DPYSL3: variants seen among roughly 807,000 people sequenced by gnomAD.
The protein encoded by DPYSL3 is dihydropyrimidinase-related protein 3.
DPYSL3 carries 16 observed loss-of-function variants against 66.1 expected under a neutral mutation model. That is an observed-to-expected ratio of 0.24 (90% CI 0.16 to 0.37). DPYSL3 has a LOEUF of 0.37. Among genes scored for constraint, DPYSL3 ranks in the 10% least tolerant of loss-of-function variants. DPYSL3 has a pLI of 1.00. For synonymous variants in DPYSL3, 338 were observed against 345.1 expected (o/e 0.98, Z 0.23); for missense variants, 738 against 916.2 (o/e 0.81, Z 2.51).
chr5:147,402,328 G>A (rs184320009), intron 8 of DPYSL3, among the ~76,000 whole-genome samples: 1 of 148,558 alleles, frequency 6.7e-6, no homozygotes, highest in East Asian at 2.0e-4. Flanking sequence ...CTGTGGATTA[G>A]AGACTCTCAT....
At chr5:147,488,730 A>G (rs1753372377) in intron 1 of DPYSL3, among the ~76,000 whole-genome samples, 1 of 151,958 alleles carries the variant, frequency 6.6e-6, no homozygotes, top group Admixed American at 6.5e-5. Context: ...AAAAAAATAT[A>G]TTGGCCAGGA....
chr5:147,483,617 C>G (rs1319644956), intron 1 of DPYSL3, among the ~76,000 whole-genome samples: 2 of 152,034 alleles, frequency 1.3e-5, no homozygotes, highest in South Asian at 2.1e-4. Flanking sequence ...ATGAGTCAAC[C>G]CTGTGGCAGT....
intron 2 of DPYSL3, among the ~76,000 whole-genome samples, chr5:147,420,040 C>T (rs1752048429): frequency 6.6e-6 from 1 of 152,166 alleles, no homozygotes; most frequent in African/African-American, 2.4e-5. Context: ...TTCGTCACTG[C>T]TCCACCAACG....
chr5:147,405,891 C>T (rs1758315000), intron 7 of DPYSL3, 161 bp from the exon 8 acceptor site: 2 of 844,014 alleles, frequency 2.4e-6, no homozygotes, highest in Non-Finnish European at 3.5e-6. Context: ...AGATCTACCA[C>T]TTCCTAACTG....
intron 1 of DPYSL3, among the ~76,000 whole-genome samples, chr5:147,435,499 G>C (rs1438784951): frequency 6.6e-6 from 1 of 152,170 alleles, no homozygotes; most frequent in Non-Finnish European, 1.5e-5. Flanking sequence ...CTCTATAAGA[G>C]ATTGTGGAGT....
In DPYSL3 at chr5:147,393,219, C is replaced by T. The variant is rs1411293422; in HGVS notation, c.*816G>A. ...GTTCTCAGCTGCTGGCTTTTAAGAGCACCAAAGAGGCAGGGAGGGCAAGAG... is the reference window on the plus strand; with the variant it reads ...GTTCTCAGCTGCTGGCTTTTAAGAGTACCAAAGAGGCAGGGAGGGCAAGAG... On this transcript the variant is annotated 3_prime_UTR_variant, in exon 14 of 14. Coordinates refer to ENST00000343218, the MANE Select transcript of DPYSL3 (RefSeq NM_001197294.2). The T allele has an allele frequency of 6.6e-6, 1 of 152,272 alleles. No homozygotes were observed. The highest frequency in any genetic ancestry group is 1.9e-4 in the East Asian group (1 of 5,174). 9.4% of individuals were successfully genotyped at this position (152,272 alleles called of 1,614,324 possible).
Position 147,510,048 on chromosome 5 carries a change from C to T in DPYSL3, c.-190G>A. On this transcript the variant is annotated 5_prime_UTR_variant, in exon 1 of 14. Coordinates refer to ENST00000343218, the MANE Select transcript of DPYSL3 (RefSeq NM_001197294.2). ...CAGCGAGCCACACAGCCAGCTAGCG[C>T]GCGGAGCAGGGGCCCAGAGTAGCGC... is the stretch of plus-strand genomic sequence containing the variant. 9.9e-7 allele frequency: 1 copy of T among 1,006,096 alleles called. No homozygotes were observed. Among genetic ancestry groups the T allele is most frequent in the Non-Finnish European group, 1.4e-6 (1 of 720,636 alleles). 62.3% of individuals were successfully genotyped at this position (1,006,096 alleles called of 1,614,324 possible). A position where few individuals can be genotyped will look rare whatever the true frequency, so the allele number is the denominator to read the frequency against.
intron 1 of DPYSL3, among the ~76,000 whole-genome samples, chr5:147,462,556 A>G (rs73794765): frequency 0.017 from 2,639 of 152,262 alleles, 100 homozygotes; most frequent in African/African-American, 0.06. Flanking sequence ...AGAGTAAAGA[A>G]CAAATTATTG....
intron 13 of DPYSL3, among the ~76,000 whole-genome samples, 189 bp from the exon 14 acceptor site, chr5:147,394,312 A>G (rs1402368712): frequency 6.6e-6 from 1 of 152,222 alleles, no homozygotes; most frequent in Non-Finnish European, 1.5e-5. Flanking sequence ...CCCGAAAACT[A>G]GCCTCTGGTA....
rs1561809842 is a variant in DPYSL3 at position 147,509,468 on chromosome 5, GC to G, written c.381+9del. 1.3e-6 allele frequency: 2 copies of G among 1,496,352 alleles called. No individual in the cohort carries two copies. The highest frequency in any genetic ancestry group is 2.5e-5 in the East Asian group (1 of 40,522). 92.7% of individuals were successfully genotyped at this position (1,496,352 alleles called of 1,614,324 possible). ...AAGGCAAGGAGGGAAGTGACCCGGGGCCCCCTTACCTTGTCCTTGGGGCCGA... is the reference window on the plus strand; with the variant it reads ...AAGGCAAGGAGGGAAGTGACCCGGGGCCCCTTACCTTGTCCTTGGGGCCGA... On this transcript the variant is annotated intron_variant, in intron 1 of 13. Transcript: ENST00000343218. The surrounding 1 kb of genome is among the most constrained non-coding windows in gnomAD (Gnocchi z 5.3).
intron 1 of DPYSL3, among the ~76,000 whole-genome samples, chr5:147,488,674 C>A (rs1268911746): frequency 5.9e-5 from 9 of 152,156 alleles, no homozygotes; most frequent in Admixed American, 5.9e-4. Flanking sequence ...CATGATTGTG[C>A]CACTGTACTG....
rs1753723657 is a variant in DPYSL3, at chr5:147,509,252, G to C, written c.381+226C>G. On this transcript the variant is annotated intron_variant, in intron 1 of 13. Coordinates refer to ENST00000343218, the MANE Select transcript of DPYSL3 (RefSeq NM_001197294.2). The surrounding 1 kb of genome is among the most constrained non-coding windows in gnomAD (Gnocchi z 5.3). ...GACGCGGCTCCAGGCAGGGGAACCC[G>C]GGCATCCCTTCCGCGCTTGCACGAA... Among the ~76,000 whole-genome samples, 1 of 152,180 alleles carries C rather than the reference G, an allele frequency of 6.6e-6. No homozygotes were observed. The highest frequency in any genetic ancestry group is 2.4e-5 in the African/African-American group (1 of 41,444).
intron 1 of DPYSL3, among the ~76,000 whole-genome samples, chr5:147,448,392 C>T (rs1412960936): frequency 1.3e-5 from 2 of 152,170 alleles, no homozygotes; most frequent in Non-Finnish European, 2.9e-5. Context: ...AACACTGTAA[C>T]GTAACTAAAC....
At chr5:147,419,963 T>C (rs1752046919) in intron 2 of DPYSL3, among the ~76,000 whole-genome samples, 1 of 152,152 alleles carries the variant, frequency 6.6e-6, no homozygotes, top group Non-Finnish European at 1.5e-5. Context: ...GCCTGGCTTG[T>C]GTGTGTGTTT....
In DPYSL3 at chr5:147,509,022, A is replaced by G. The variant is rs764509211; in HGVS notation, c.381+456T>C. Among the ~76,000 whole-genome samples, 3 of 152,174 alleles carry G rather than the reference A, an allele frequency of 2.0e-5. No individual in the cohort carries two copies. Among genetic ancestry groups the G allele is most frequent in the Non-Finnish European group, 4.4e-5 (3 of 68,038 alleles). On this transcript the variant is annotated intron_variant, in intron 1 of 13. Transcript: ENST00000343218. This position sits in a 1 kb window ranked among gnomAD's most constrained non-coding sequence, Gnocchi z 5.3. ...CCTCCAGTACTTTCATCCGGGCACTATGGAGATGACCCCCATATTCCCAGC... is the reference window on the plus strand; with the variant it reads ...CCTCCAGTACTTTCATCCGGGCACTGTGGAGATGACCCCCATATTCCCAGC...
At chr5:147,463,606 T>G (rs1252525898) in intron 1 of DPYSL3, among the ~76,000 whole-genome samples, 1 of 152,122 alleles carries the variant, frequency 6.6e-6, no homozygotes, top group African/African-American at 2.4e-5. Flanking sequence ...AAAGTGACCC[T>G]GTTAGTTGAC....
At position 147,497,015 on chromosome 5, in the gene DPYSL3, G is replaced by A. The variant is rs144750861; in HGVS notation, c.381+12463C>T. On this transcript the variant is annotated intron_variant, in intron 1 of 13. Coordinates refer to ENST00000343218, the MANE Select transcript of DPYSL3 (RefSeq NM_001197294.2). ...GGAACCAACCTAAATGTCCAACAGC[G>A]ATAGACTGAATTAAGAAAATGTGGC... 7.4e-3 allele frequency among the ~76,000 whole-genome samples: 1,123 copies of A among 152,242 alleles called. 18 individuals carry two copies. The highest frequency in any genetic ancestry group is 0.025 in the African/African-American group (1,055 of 41,532).
intron 1 of DPYSL3, among the ~76,000 whole-genome samples, chr5:147,446,059 T>C (rs1264025045): frequency 6.6e-6 from 1 of 152,186 alleles, no homozygotes; most frequent in Non-Finnish European, 1.5e-5. Context: ...CAGCCAACAA[T>C]GGTCGCTCTC....
intron 2 of DPYSL3, among the ~76,000 whole-genome samples, chr5:147,421,410 A>G (rs924827984): frequency 1.8e-4 from 27 of 152,364 alleles, no homozygotes; most frequent in African/African-American, 6.3e-4. Flanking sequence ...GGAAGAATCA[A>G]TATAATGAAA....
Sources: gnomAD v4.1 joint callset for allele counts (sites outside exome capture counted in the v4.1 genomes callset) on GRCh38, gnomAD v4.1.1 for gene constraint, Gnocchi (gnomAD v3.1) non-coding constraint, MANE v1.5 for transcripts, NCBI Gene and HGNC (gene_info 2026-07-23, HGNC 2026-07-21) for gene names.